ATG7: variants seen among roughly 807,000 people sequenced by gnomAD.
ATG7 encodes the protein ubiquitin-like modifier-activating enzyme ATG7.
ATG7 carries 70 observed loss-of-function variants against 82.4 expected under a neutral mutation model. That is an observed-to-expected ratio of 0.85 (90% CI 0.70 to 1.04). ATG7 has a LOEUF of 1.04. Ranked by LOEUF, ATG7 falls within the 50% of genes least tolerant of loss-of-function variation. ATG7 has a pLI of 0.00. For missense variants in ATG7, 792 were observed against 864.3 expected, an observed-to-expected ratio of 0.92 and a Z score of 1.05; for synonymous variants, 287 against 313.0, an observed-to-expected ratio of 0.92 and a Z score of 0.88.
chr3:11,463,680 C>G (rs938014509), intron 20 of ATG7, among the ~76,000 whole-genome samples: 2 of 152,156 alleles, frequency 1.3e-5, no homozygotes, highest in African/African-American at 2.4e-5. Flanking sequence ...TTCTACAGTT[C>G]TGATAGGAAC....
At chr3:11,405,311 G>A (rs550484465) in intron 19 of ATG7, among the ~76,000 whole-genome samples, 21 of 152,038 alleles carry the variant, frequency 1.4e-4, no homozygotes, top group African/African-American at 4.8e-4. Flanking sequence ...TTGGGCTGCC[G>A]GTTTTCACTG....
downstream of ATG7, among the ~76,000 whole-genome samples, chr3:11,561,891 C>CTTTTTTTTTTT (rs35380668): frequency 1.1e-5 from 1 of 88,588 alleles, no homozygotes; most frequent in African/African-American, 4.7e-5. Context: ...CTGCGCCAAA[C>CTTTTTTTTTTT]TTTTTTTTTT....
intron 20 of ATG7, among the ~76,000 whole-genome samples, chr3:11,492,557 C>T (rs2454482): frequency 0.53 from 80,103 of 152,092 alleles, 22,083 homozygotes; most frequent in East Asian, 0.66. Flanking sequence ...TTACTCAGTC[C>T]GTTGTGCTCA....
Position 11,554,737 on chromosome 3 carries a change from G to A in ATG7, c.2080-74G>A, listed in dbSNP as rs561192348. The A allele has an allele frequency of 9.6e-6, 15 of 1,568,032 alleles. No homozygotes were observed. In the Middle Eastern group the frequency reaches 5.1e-4, roughly 53 times the overall value. On this transcript the variant is annotated intron_variant, in intron 20 of 20. Coordinates refer to ENST00000693202, the MANE Select transcript of ATG7 (RefSeq NM_001349232.2). ...AGGTGGGAGCTGCCATGACTGCTGC[G>A]GTTTTGAAGCATCTGTGTGCCCCCC... is the stretch of plus-strand genomic sequence containing the variant.
In ATG7 at chr3:11,380,069, T is replaced by A. The variant is rs1245340828; in HGVS notation, c.1956+17T>A. The stretch of plus-strand genomic sequence containing the variant: ...TCTTCCAAAGTAAGTCATTTTGTAT[T>A]GGAGGGACTTGTTTTTAAAAGTGAG... On this transcript the variant is annotated intron_variant, in intron 19 of 20. Coordinates refer to ENST00000693202, the MANE Select transcript of ATG7 (RefSeq NM_001349232.2). 6.2e-7 allele frequency: 1 copy of A among 1,610,102 alleles called. No homozygotes were observed. Among genetic ancestry groups the A allele is most frequent in the Admixed American group, 1.7e-5 (1 of 60,014 alleles).
In ATG7 at chr3:11,325,352, C is replaced by T. The variant is rs142974892; in HGVS notation, c.679-5988C>T. On this transcript the variant is annotated intron_variant, in intron 9 of 20. Coordinates refer to ENST00000693202, the MANE Select transcript of ATG7 (RefSeq NM_001349232.2). ...ATTTGTTAAGCGCTGGCCTCATTCT[C>T]AGTTTCTGTGCTAAGTGCAGTTAAG... Among the ~76,000 whole-genome samples the T allele has an allele frequency of 4.7e-3, 722 of 152,262 alleles. 5 individuals are homozygous for T. The highest frequency in any genetic ancestry group is 0.017 in the African/African-American group (692 of 41,542).
At chr3:11,322,415 G>A (rs575962748) in intron 9 of ATG7, among the ~76,000 whole-genome samples, 11 of 152,174 alleles carry the variant, frequency 7.2e-5, no homozygotes, top group African/African-American at 2.4e-4. Context: ...ACTAGGTGAG[G>A]TTCCATTCAT....
chr3:11,438,610 A>C (rs2083583130), intron 20 of ATG7, among the ~76,000 whole-genome samples: 1 of 151,946 alleles, frequency 6.6e-6, no homozygotes, highest in South Asian at 2.1e-4. Context: ...TTTTTAACCT[A>C]AATTCTGTTG....
intron 9 of ATG7, among the ~76,000 whole-genome samples, chr3:11,323,491 C>T (rs577311012): frequency 2.6e-5 from 4 of 152,306 alleles, no homozygotes; most frequent in African/African-American, 9.6e-5. Context: ...ATTCCACAGT[C>T]GCACTCCATT....
chr3:11,491,172 T>G (rs1216385923), intron 20 of ATG7, among the ~76,000 whole-genome samples: 2 of 152,188 alleles, frequency 1.3e-5, no homozygotes, highest in Non-Finnish European at 2.9e-5. Flanking sequence ...TGTTCGTTTC[T>G]TTTTATTCTT....
chr3:11,523,576 T>A (rs1175010997), intron 20 of ATG7, among the ~76,000 whole-genome samples: 2 of 152,232 alleles, frequency 1.3e-5, no homozygotes, highest in Non-Finnish European at 2.9e-5. Flanking sequence ...TGATTTGCCT[T>A]TGGGAGGGCC....
chr3:11,463,933 A>G (rs934170413), intron 20 of ATG7, among the ~76,000 whole-genome samples: 1 of 152,236 alleles, frequency 6.6e-6, no homozygotes, highest in Non-Finnish European at 1.5e-5. Flanking sequence ...AGCAGTTTCC[A>G]TAAGAAGGTG....
At chr3:11,451,457 C>T (rs984524204) in intron 20 of ATG7, among the ~76,000 whole-genome samples, 3 of 152,102 alleles carry the variant, frequency 2.0e-5, no homozygotes, top group Admixed American at 1.3e-4. Flanking sequence ...GTGATCCACC[C>T]GACTTGGCCT....
chr3:11,276,870 G>A (rs774704180), intron 1 of ATG7, among the ~76,000 whole-genome samples: 2 of 152,092 alleles, frequency 1.3e-5, no homozygotes, highest in Non-Finnish European at 2.9e-5. Context: ...ATCATAGCCC[G>A]AATCTCTCCT....
rs1160184921 is a variant in ATG7, at chr3:11,348,245, A to G, written c.1284+210A>G. The G allele has an allele frequency of 4.9e-6, 3 of 607,314 alleles. No homozygotes were observed. In the East Asian group the frequency reaches 9.5e-5, roughly 19 times the overall value. 37.6% of individuals were successfully genotyped at this position (607,314 alleles called of 1,614,324 possible). ...CATGGTGGCTCATACCTGCAATCCC[A>G]GTGTGTCTGGAGTTGGTTCCTTCAG... is the stretch of plus-strand genomic sequence containing the variant. On this transcript the variant is annotated intron_variant, in intron 14 of 20. Coordinates refer to ENST00000693202, the MANE Select transcript of ATG7 (RefSeq NM_001349232.2).
At position 11,526,640 on chromosome 3, in the gene ATG7, A is replaced by C. The variant is rs1427905090; in HGVS notation, c.2080-28171A>C. Among the ~76,000 whole-genome samples, 3 of 152,204 alleles carry C rather than the reference A, an allele frequency of 2.0e-5. No homozygotes were observed. In the East Asian group the frequency reaches 5.8e-4, roughly 29 times the overall value. ...ATCTTGTTAGTTGTAACAGTTTGAA[A>C]ATTCTTTCAGATTTTCCACGTAGAC... On this transcript the variant is annotated intron_variant, in intron 20 of 20. Coordinates refer to ENST00000693202, the MANE Select transcript of ATG7 (RefSeq NM_001349232.2).
At chr3:11,371,319 T>A (rs1270822740) in intron 18 of ATG7, among the ~76,000 whole-genome samples, 1 of 149,766 alleles carries the variant, frequency 6.7e-6, no homozygotes, top group East Asian at 1.9e-4. Flanking sequence ...GCTCAGCGAG[T>A]TTGAGGAAGG....
chr3:11,409,066 C>T (rs1186968514), intron 19 of ATG7, among the ~76,000 whole-genome samples: 1 of 152,060 alleles, frequency 6.6e-6, no homozygotes, highest in African/African-American at 2.4e-5. Flanking sequence ...TTAAATGTGT[C>T]TTTTGTAAAT....
chr3:11,467,034 G>A (rs2086896783), intron 20 of ATG7, among the ~76,000 whole-genome samples: 2 of 152,092 alleles, frequency 1.3e-5, no homozygotes, highest in African/African-American at 4.8e-5. Context: ...TGAGGCAGGA[G>A]AATCACTTGA....
Sources: allele counts gnomAD v4.1 joint callset (sites outside exome capture counted in the v4.1 genomes callset), GRCh38; gene constraint gnomAD v4.1.1; transcripts MANE v1.5; gene names NCBI Gene and HGNC (gene_info 2026-07-23, HGNC 2026-07-21).